Variants in PTGFRN observed in about 807,000 individuals in gnomAD.
PTGFRN encodes the protein prostaglandin F2 receptor inhibitor, also known as prostaglandin F2 receptor negative regulator.
A neutral mutation model predicts 83.2 loss-of-function variants in PTGFRN; 35 were observed. The observed-to-expected ratio is 0.42, with a 90% CI of 0.32 to 0.56. The LOEUF is 0.56. Ranked by LOEUF, PTGFRN falls within the 20% of genes least tolerant of loss-of-function variation. PTGFRN has a pLI of 0.11. For missense variants in PTGFRN, 1,051 were observed against 1,179.5 expected (o/e 0.89, Z 1.60); for synonymous variants, 519 against 498.6 (o/e 1.04, Z -0.55).
rs1181756802 is a variant in PTGFRN, at chr1:116,958,391, A to G, written c.1214-2852A>G. ...ACTTAGAAAATATGAAGTTTAGAAG[A>G]CAGTAGGTTTGGTTCATCTGTGAGC... On this transcript the variant is annotated intron_variant, in intron 4 of 8. Transcript: ENST00000393203. This position sits in a 1 kb window ranked among gnomAD's most constrained non-coding sequence, Gnocchi z 4.9. Among the ~76,000 whole-genome samples the G allele has an allele frequency of 6.6e-6, 1 of 152,170 alleles. No homozygotes were observed. Among genetic ancestry groups the G allele is most frequent in the African/African-American group, 2.4e-5 (1 of 41,428 alleles).
At chr1:116,957,169 GTGTGTGTTTGTGTT>G (rs1403823152) in intron 4 of PTGFRN, among the ~76,000 whole-genome samples, 4 of 151,884 alleles carry the variant, frequency 2.6e-5, no homozygotes, top group Admixed American at 6.6e-5. Flanking sequence ...GTGTGTGTGT[GTGTGTGTTTGTGTT>G]TGTGTGTTTG....
At chr1:116,929,878 C>T (rs939647682) in intron 1 of PTGFRN, among the ~76,000 whole-genome samples, 3 of 152,096 alleles carry the variant, frequency 2.0e-5, no homozygotes, top group Non-Finnish European at 4.4e-5. Context: ...CATGGTTGTG[C>T]CTTCTCTTCC....
chr1:116,948,423 C>A (rs978782098), intron 3 of PTGFRN, among the ~76,000 whole-genome samples: 4 of 152,110 alleles, frequency 2.6e-5, no homozygotes, highest in Non-Finnish European at 5.9e-5. Flanking sequence ...CAAAAATCAT[C>A]GTGTTTTAGT....
chr1:116,910,365 C>T (rs1649235345), intron 1 of PTGFRN, 113 bp downstream of exon 1: 1 of 964,508 alleles, frequency 1.0e-6, no homozygotes, highest in Non-Finnish European at 1.3e-6. Flanking sequence ...CCGGGCTGCT[C>T]CCGGGAAACC....
intron 1 of PTGFRN, among the ~76,000 whole-genome samples, chr1:116,919,033 G>A (rs984228402): frequency 2.6e-5 from 4 of 152,200 alleles, no homozygotes; most frequent in African/African-American, 4.8e-5. Flanking sequence ...GAAAGTAGGA[G>A]GTGAGGATCA....
intron 1 of PTGFRN, among the ~76,000 whole-genome samples, chr1:116,914,977 CAATACTTTGAGA>C (rs1649365184): frequency 6.6e-6 from 1 of 152,170 alleles, no homozygotes; most frequent in Non-Finnish European, 1.5e-5. Context: ...TTCCTCACAA[CAATACTTTGAGA>C]AAGTCACTAT....
In PTGFRN at chr1:116,974,107, C is replaced by G. The variant is rs1257672358; in HGVS notation, c.2060-109C>G. On this transcript the variant is annotated intron_variant, in intron 6 of 8. Transcript: ENST00000393203. Reference sequence around the variant, plus strand: ...AACACCTATTTTGTGAGTTTCTAGACCAGTTCCCAGGGAAGAGAACCACAT... The same window carrying G: ...AACACCTATTTTGTGAGTTTCTAGAGCAGTTCCCAGGGAAGAGAACCACAT... 48 of 802,164 alleles carry G rather than the reference C, an allele frequency of 6.0e-5. 1 individual carries two copies. In the Admixed American group the frequency reaches 8.5e-4, roughly 14 times the overall value. The allele number at this position is 802,164 out of a possible 1,614,324, so 49.7% of individuals were successfully genotyped here.
At chr1:116,980,546 T>C (rs976051558) in intron 7 of PTGFRN, among the ~76,000 whole-genome samples, 3 of 152,190 alleles carry the variant, frequency 2.0e-5, no homozygotes, top group Non-Finnish European at 2.9e-5. Context: ...TGAGTTCATG[T>C]CCTTTGTAGG....
chr1:116,969,319 A>G (rs1650929338), intron 6 of PTGFRN, among the ~76,000 whole-genome samples: 1 of 152,138 alleles, frequency 6.6e-6, no homozygotes, highest in South Asian at 2.1e-4. Context: ...TGTTGCATGG[A>G]GATAGCCAGT....
At chr1:116,947,975 T>C (rs1167768808) in intron 3 of PTGFRN, among the ~76,000 whole-genome samples, 2 of 152,224 alleles carry the variant, frequency 1.3e-5, no homozygotes, top group Non-Finnish European at 1.5e-5. Context: ...ACTTGAAATA[T>C]TTGTTTGAAA....
chr1:116,946,695 A>T (rs1462426143), intron 3 of PTGFRN, among the ~76,000 whole-genome samples: 1 of 152,222 alleles, frequency 6.6e-6, no homozygotes, highest in East Asian at 1.9e-4. Context: ...ACTTTTCGAC[A>T]GCCTTTTGAA....
At chr1:116,976,408 A>G (rs1651155971) in intron 7 of PTGFRN, among the ~76,000 whole-genome samples, 1 of 152,210 alleles carries the variant, frequency 6.6e-6, no homozygotes, top group South Asian at 2.1e-4. Flanking sequence ...AGGAACTCCA[A>G]GACACAAAAC....
chr1:116,982,277 A>C (rs937040175), intron 7 of PTGFRN, among the ~76,000 whole-genome samples: 3 of 152,196 alleles, frequency 2.0e-5, no homozygotes, highest in African/African-American at 7.2e-5. Context: ...CTTTTCCTCC[A>C]GTGTAATTAA....
chr1:116,967,439 C>CATACAATGTACCTTCATATGT, intron 6 of PTGFRN, 109 bp downstream of exon 6: 1 of 1,117,204 alleles, frequency 9.0e-7, no homozygotes, highest in Admixed American at 2.6e-5. Context: ...AATTCATATG[C>CATACAATGTACCTTCATATGT]CATACAATGT....
intron 1 of PTGFRN, among the ~76,000 whole-genome samples, chr1:116,924,865 C>T (rs1649616539): frequency 6.6e-6 from 1 of 152,168 alleles, no homozygotes; most frequent in Non-Finnish European, 1.5e-5. Context: ...AGGCATGCTG[C>T]TGGGCTGGGG....
chr1:116,937,128 G>A (rs929241489), intron 1 of PTGFRN, among the ~76,000 whole-genome samples: 8 of 152,154 alleles, frequency 5.3e-5, no homozygotes, highest in African/African-American at 1.7e-4. Flanking sequence ...GAGTGTCCTG[G>A]GTTGAGGAAA....
chr1:116,984,835 G>A lies in PTGFRN; in HGVS notation c.2323G>A (p.Glu775Lys), dbSNP rs1364195307. 1 of 1,614,130 alleles carries A rather than the reference G, an allele frequency of 6.2e-7. No individual in the cohort carries two copies. Among genetic ancestry groups the A allele is most frequent in the Admixed American group, 1.7e-5 (1 of 59,978 alleles). Reference sequence around the variant, plus strand: ...CAGCCTGGAGCGCGTGAGTGTGCTGGAATTCTTGCTGCAAGTGCATGGCTC... The same window carrying A: ...CAGCCTGGAGCGCGTGAGTGTGCTGAAATTCTTGCTGCAAGTGCATGGCTC... ...DLSLERVSVL[E>K]FLLQVHGSED... Residue 775 changes from glutamate (E) to lysine (K), a missense_variant, in exon 8 of 9, where the codon GAA (glutamate) becomes AAA (lysine). Physicochemically the swap from Glu to Lys is moderately conservative, Grantham distance 56. This residue lies in a region of PTGFRN where 719 missense variants were observed against 836.6 expected (regional missense o/e 0.86). Coordinates refer to ENST00000393203, the MANE Select transcript of PTGFRN (RefSeq NM_020440.4).
At chr1:116,976,958 T>C (rs954746888) in intron 7 of PTGFRN, among the ~76,000 whole-genome samples, 5 of 152,172 alleles carry the variant, frequency 3.3e-5, no homozygotes, top group South Asian at 2.1e-4. Context: ...GACCCATCAG[T>C]GTGCTATATT....
In PTGFRN at chr1:116,944,928, A is replaced by G; in HGVS notation, c.668A>G (p.Asp223Gly). The change falls in exon 3 of 9, where the codon GAC becomes GGC. Residue 223 changes from aspartate (D) to glycine (G), a missense_variant. Asp to Gly is a moderately conservative substitution (Grantham distance 94, BLOSUM62 -1). Coordinates refer to ENST00000393203, the MANE Select transcript of PTGFRN (RefSeq NM_020440.4). ...QRYHSGDVRL[D>G]TVGSDAYRLS... The stretch of plus-strand genomic sequence containing the variant: ...TACCACAGTGGGGACGTGCGCCTCG[A>G]CACCGTGGGCAGCGACGCCTACCGC... 1 of 1,612,984 alleles carries G rather than the reference A, an allele frequency of 6.2e-7. No individual in the cohort carries two copies. Among genetic ancestry groups the G allele is most frequent in the Non-Finnish European group, 8.5e-7 (1 of 1,180,004 alleles).
Sources: allele counts gnomAD v4.1 joint callset (sites outside exome capture counted in the v4.1 genomes callset), GRCh38; gene constraint gnomAD v4.1.1; regional missense constraint gnomAD v4.1.1; non-coding constraint Gnocchi (gnomAD v3.1); transcripts MANE v1.5; gene names NCBI Gene and HGNC (gene_info 2026-07-23, HGNC 2026-07-21).